The following CENPP variants were observed in gnomAD, a reference collection of about 807,000 sequenced individuals.
CENPP encodes centromere protein P.
Under a neutral mutation model 35.6 loss-of-function variants are expected in CENPP, and 24 were observed. The ratio of observed to expected loss-of-function variants is 0.67; its 90% CI spans 0.49 to 0.95. The LOEUF (loss-of-function observed/expected upper bound fraction) is 0.95. Among genes scored for constraint, CENPP ranks in the 40% least tolerant of loss-of-function variants. The probability of loss-of-function intolerance (pLI) is 0.00; values close to 1 mark genes in which losing one functional copy is unlikely to be tolerated. For synonymous variants in CENPP, 120 were observed against 125.5 expected (o/e 0.96, Z 0.29); for missense variants, 332 against 345.3 (o/e 0.96, Z 0.31).
intron 5 of CENPP, among the ~76,000 whole-genome samples, chr9:92,445,355 A>T (rs1051088644): frequency 1.3e-5 from 2 of 151,766 alleles, no homozygotes; most frequent in East Asian, 1.9e-4. Flanking sequence ...GTCTTCCCTC[A>T]TCTGCTCTTA....
At chr9:92,525,317 C>CA (rs59745811) in intron 5 of CENPP, among the ~76,000 whole-genome samples, 4,289 of 118,270 alleles carry the variant, frequency 0.036, 192 homozygotes, top group African/African-American at 0.11. Context: ...GACTCTGTCT[C>CA]AAAAAAAAAA....
intron 5 of CENPP, among the ~76,000 whole-genome samples, chr9:92,488,299 A>C (rs1224687718): frequency 6.6e-6 from 1 of 152,230 alleles, no homozygotes; most frequent in Admixed American, 6.5e-5. Flanking sequence ...CAGATAAGGC[A>C]GTTTGCCTTA....
chr9:92,563,949 A>G (rs576714550), intron 5 of CENPP, among the ~76,000 whole-genome samples: 2 of 152,322 alleles, frequency 1.3e-5, no homozygotes, highest in African/African-American at 4.8e-5. Context: ...CCAGGTCTGC[A>G]TGGTGAGGGG....
At chr9:92,414,055 A>G (rs1843517818) in intron 5 of CENPP, among the ~76,000 whole-genome samples, 1 of 152,216 alleles carries the variant, frequency 6.6e-6, no homozygotes, top group Non-Finnish European at 1.5e-5. Context: ...TTAGCATGGT[A>G]TATCAAGAGA....
intron 3 of CENPP, among the ~76,000 whole-genome samples, chr9:92,343,528 T>G (rs946632655): frequency 6.6e-6 from 1 of 152,230 alleles, no homozygotes; most frequent in African/African-American, 2.4e-5. Flanking sequence ...TAAGCAATTT[T>G]TTTAAATGGA....
chr9:92,400,470 C>T (rs1843067147), intron 5 of CENPP, among the ~76,000 whole-genome samples: 1 of 152,104 alleles, frequency 6.6e-6, no homozygotes, highest in African/African-American at 2.4e-5. Context: ...TAAATTTATT[C>T]AAATCTATTT....
chr9:92,603,702 T>A (rs1850991749), intron 5 of CENPP, among the ~76,000 whole-genome samples: 2 of 151,808 alleles, frequency 1.3e-5, no homozygotes, highest in Admixed American at 1.3e-4. Flanking sequence ...GGTCAGAAAC[T>A]CTCCACACCC....
chr9:92,385,690 G>A, intron 5 of CENPP: 1 of 1,614,098 alleles, frequency 6.2e-7, no homozygotes, highest in Admixed American at 1.7e-5. Flanking sequence ...CAGGACGATT[G>A]GATTGCCCTC....
chr9:92,517,725 A>G (rs778988495), intron 5 of CENPP: 4 of 1,614,214 alleles, frequency 2.5e-6, no homozygotes, highest in Non-Finnish European at 3.4e-6. Context: ...CCCTTCAGGT[A>G]TAACTGTTTG....
At chr9:92,400,190 G>A (rs192729093) in intron 5 of CENPP, among the ~76,000 whole-genome samples, 45 of 152,038 alleles carry the variant, frequency 3.0e-4, no homozygotes, top group African/African-American at 4.1e-4. Context: ...TTGCTCTGCC[G>A]CCTAGGCTGG....
At chr9:92,326,306 A>G (rs1376579207) in intron 1 of CENPP, among the ~76,000 whole-genome samples, 1 of 152,108 alleles carries the variant, frequency 6.6e-6, no homozygotes, top group Non-Finnish European at 1.5e-5. Flanking sequence ...CAGGGTATTA[A>G]CTCGTTTAAT....
chr9:92,618,290 G>C lies in CENPP; in HGVS notation c.*5141G>C. The C allele has an allele frequency of 2.2e-6, 1 of 456,656 alleles. No individual in the cohort carries two copies. Among genetic ancestry groups the C allele is most frequent in the Non-Finnish European group, 4.4e-6 (1 of 226,966 alleles). The allele number at this position is 456,656 out of a possible 1,614,324, so 28.3% of individuals were successfully genotyped here. On this transcript the variant is annotated 3_prime_UTR_variant, in exon 8 of 8. Coordinates refer to ENST00000375587, the MANE Select transcript of CENPP (RefSeq NM_001012267.3). ...AAGCCACATGGCTCAGTGCCTTCAG[G>C]ACATGCCCTCCCCTCCCCTCCTAGT...
At chr9:92,563,387 T>G (rs1429610810) in intron 5 of CENPP, among the ~76,000 whole-genome samples, 8 of 152,230 alleles carry the variant, frequency 5.3e-5, no homozygotes, top group Admixed American at 1.3e-4. Flanking sequence ...TCTTTGAGGA[T>G]TTACACATAT....
At chr9:92,554,359 A>G (rs565150948) in intron 5 of CENPP, among the ~76,000 whole-genome samples, 1 of 151,732 alleles carries the variant, frequency 6.6e-6, no homozygotes, top group African/African-American at 2.4e-5. Context: ...AATTTTTTGT[A>G]TTTGGTAAAG....
intron 4 of CENPP, among the ~76,000 whole-genome samples, chr9:92,370,841 G>C (rs553607429): frequency 6.6e-6 from 1 of 152,188 alleles, no homozygotes; most frequent in Admixed American, 6.5e-5. Flanking sequence ...ATTTATTTCT[G>C]ATTCAATCTT....
rs76874569 is a variant in CENPP, at chr9:92,467,106, G to T, written c.564+87247G>T. Among the ~76,000 whole-genome samples the T allele has an allele frequency of 4.8e-3, 733 of 152,244 alleles. 4 individuals are homozygous for T. Among genetic ancestry groups the T allele is most frequent in the African/African-American group, 0.015 (638 of 41,538 alleles). ...CATTCTGGCATATTTTAGATATTGG[G>T]GATATAGTAATGGATCCTGAGAAAT... is the stretch of plus-strand genomic sequence containing the variant. On this transcript the variant is annotated intron_variant, in intron 5 of 7. Coordinates refer to ENST00000375587, the MANE Select transcript of CENPP (RefSeq NM_001012267.3).
intron 5 of CENPP, among the ~76,000 whole-genome samples, chr9:92,441,195 A>G (rs1844378221): frequency 6.6e-6 from 1 of 152,238 alleles, no homozygotes; most frequent in East Asian, 1.9e-4. Flanking sequence ...GTTAAAATTA[A>G]TCAAGCTACA....
At chr9:92,600,878 C>A (rs576121170) in intron 5 of CENPP, among the ~76,000 whole-genome samples, 21 of 152,252 alleles carry the variant, frequency 1.4e-4, no homozygotes, top group Non-Finnish European at 3.1e-4. Context: ...TGGTGCAGGT[C>A]CCCTGAGGGG....
chr9:92,539,284 T>A (rs1442098513), intron 5 of CENPP: 1 of 152,172 alleles, frequency 6.6e-6, no homozygotes, highest in African/African-American at 2.4e-5. Flanking sequence ...GACTTTCATG[T>A]TGAATTGCAA....
Sources: allele counts gnomAD v4.1 joint callset (sites outside exome capture counted in the v4.1 genomes callset), GRCh38; gene constraint gnomAD v4.1.1; transcripts MANE v1.5; gene names NCBI Gene and HGNC (gene_info 2026-07-23, HGNC 2026-07-21).